Variants in ALK observed in about 807,000 individuals in gnomAD.
The protein encoded by ALK is ALK tyrosine kinase receptor.
ALK carries 74 observed loss-of-function variants against 163.1 expected under a neutral mutation model. That is an observed-to-expected ratio of 0.45 (90% CI 0.38 to 0.55). ALK has a LOEUF of 0.55. Among genes scored for constraint, ALK ranks in the 20% least tolerant of loss-of-function variants. The pLI is 0.00. For synonymous variants in ALK, 960 were observed against 843.2 expected, an observed-to-expected ratio of 1.14 and a Z score of -2.40; for missense variants, 2,063 against 2,105.3, an observed-to-expected ratio of 0.98 and a Z score of 0.39.
intron 1 of ALK, among the ~76,000 whole-genome samples, chr2:29,894,330 C>A (rs941477049): frequency 6.6e-6 from 1 of 152,086 alleles, no homozygotes; most frequent in African/African-American, 2.4e-5. Flanking sequence ...ATCCAGGAGT[C>A]CTGAGCTCCT....
chr2:29,742,658 G>C (rs1680094242), intron 1 of ALK, among the ~76,000 whole-genome samples: 1 of 152,174 alleles, frequency 6.6e-6, no homozygotes, highest in South Asian at 2.1e-4. Context: ...CAGGGCCAGG[G>C]AACCCCTGGC....
chr2:29,546,414 A>G (rs1267476842), intron 3 of ALK, among the ~76,000 whole-genome samples: 6 of 152,260 alleles, frequency 3.9e-5, no homozygotes, highest in Admixed American at 3.9e-4. Context: ...CCTCAAGGAA[A>G]ATAGAAAAGC....
intron 5 of ALK, among the ~76,000 whole-genome samples, chr2:29,339,137 T>G (rs1573252480): frequency 6.6e-6 from 1 of 151,612 alleles, no homozygotes; most frequent in Admixed American, 6.6e-5. Context: ...CAGCTACTTG[T>G]GAGGCTGAGG....
intron 4 of ALK, among the ~76,000 whole-genome samples, chr2:29,414,239 C>T (rs527601344): frequency 9.9e-5 from 15 of 152,202 alleles, no homozygotes; most frequent in Non-Finnish European, 1.8e-4. Flanking sequence ...GAACCCCTTA[C>T]TATCTTCACA....
chr2:29,521,871 G>A (rs192919371), intron 4 of ALK, among the ~76,000 whole-genome samples: 1 of 152,346 alleles, frequency 6.6e-6, no homozygotes, highest in East Asian at 1.9e-4. Context: ...CAGAAGACAG[G>A]AGAGCGGAGG....
intron 5 of ALK, among the ~76,000 whole-genome samples, chr2:29,333,531 A>G (rs1667516675): frequency 6.6e-6 from 1 of 152,224 alleles, no homozygotes; most frequent in Non-Finnish European, 1.5e-5. Flanking sequence ...GTCATTAATA[A>G]GGATGCAAAA....
intron 3 of ALK, among the ~76,000 whole-genome samples, chr2:29,563,651 A>T (rs1157675707): frequency 6.6e-6 from 1 of 152,218 alleles, no homozygotes; most frequent in African/African-American, 2.4e-5. Flanking sequence ...GGCTAACTCC[A>T]TGTTGCTCCT....
At chr2:29,494,503 G>C (rs543282769) in intron 4 of ALK, among the ~76,000 whole-genome samples, 1 of 152,292 alleles carries the variant, frequency 6.6e-6, no homozygotes, top group South Asian at 2.1e-4. Flanking sequence ...GATCCTATGA[G>C]AGACAGTGAG....
intron 13 of ALK, among the ~76,000 whole-genome samples, chr2:29,236,494 A>C (rs1664385846): frequency 6.6e-6 from 1 of 152,188 alleles, no homozygotes; most frequent in African/African-American, 2.4e-5. Flanking sequence ...TGTTACAGGA[A>C]CTTGGGATAT....
At chr2:29,257,614 A>C (rs1271829649) in intron 11 of ALK, among the ~76,000 whole-genome samples, 1 of 152,238 alleles carries the variant, frequency 6.6e-6, no homozygotes, top group Non-Finnish European at 1.5e-5. Flanking sequence ...AACAGTAAGG[A>C]TCTGCCTCAG....
chr2:29,332,971 C>T (rs1228967324), intron 5 of ALK, among the ~76,000 whole-genome samples: 1 of 152,248 alleles, frequency 6.6e-6, no homozygotes, highest in African/African-American at 2.4e-5. Context: ...TTACACTCTT[C>T]ACCAGCTGTG....
rs116531206 is a variant in ALK, at chr2:29,459,025, T to A, written c.1154+72890A>T. On this transcript the variant is annotated intron_variant, in intron 4 of 28. Coordinates refer to ENST00000389048, the MANE Select transcript of ALK (RefSeq NM_004304.5). ...GGAAATGTTTCAAAATATAAGTTCC[T>A]GGGACTCACCTAGAGGTCCACCTTC... 1.6e-3 allele frequency among the ~76,000 whole-genome samples: 238 copies of A among 152,320 alleles called. 1 individual carries two copies. The highest frequency in any genetic ancestry group is 5.7e-3 in the African/African-American group (236 of 41,582).
intron 3 of ALK, among the ~76,000 whole-genome samples, chr2:29,687,972 T>C (rs920776983): frequency 6.6e-6 from 1 of 152,332 alleles, no homozygotes; most frequent in East Asian, 1.9e-4. Flanking sequence ...GTAGGAAATA[T>C]TGGTTGCAGC....
chr2:29,648,567 G>C (rs868268952), intron 3 of ALK, among the ~76,000 whole-genome samples: 4 of 152,006 alleles, frequency 2.6e-5, no homozygotes, highest in Non-Finnish European at 5.9e-5. Context: ...CTGTGAATTT[G>C]ACTACTCTAG....
At chr2:29,361,297 A>G (rs890118021) in intron 5 of ALK, among the ~76,000 whole-genome samples, 2 of 152,230 alleles carry the variant, frequency 1.3e-5, no homozygotes, top group East Asian at 3.8e-4. Flanking sequence ...TTGGGTAATT[A>G]CATTCTGTTT....
chr2:29,203,154 C>T (rs1486964754), intron 26 of ALK, among the ~76,000 whole-genome samples: 1 of 152,148 alleles, frequency 6.6e-6, no homozygotes, highest in Non-Finnish European at 1.5e-5. Context: ...TGATGGACCA[C>T]ACTTAGAGAT....
intron 3 of ALK, among the ~76,000 whole-genome samples, chr2:29,628,907 GCA>G (rs1036517318): frequency 1.1e-4 from 16 of 152,144 alleles, no homozygotes; most frequent in African/African-American, 3.6e-4. Context: ...AGAAAATGGA[GCA>G]CACTCAAAAC....
chr2:29,281,654 A>C (rs1350059938), intron 9 of ALK, among the ~76,000 whole-genome samples: 1 of 152,184 alleles, frequency 6.6e-6, no homozygotes, highest in African/African-American at 2.4e-5. Flanking sequence ...GCTTTGCATA[A>C]AGAATGCATT....
intron 1 of ALK, among the ~76,000 whole-genome samples, chr2:29,910,452 A>C (rs1355850216): frequency 6.6e-6 from 1 of 152,196 alleles, no homozygotes; most frequent in Non-Finnish European, 1.5e-5. Context: ...TTTTTTAAAA[A>C]TTTCCAAATG....
Sources: gnomAD v4.1 joint callset for allele counts (sites outside exome capture counted in the v4.1 genomes callset) on GRCh38, gnomAD v4.1.1 for gene constraint, MANE v1.5 for transcripts, NCBI Gene and HGNC (gene_info 2026-07-23, HGNC 2026-07-21) for gene names.